Variants in GALNT2 observed in about 807,000 individuals in gnomAD.
GALNT2 encodes polypeptide N-acetylgalactosaminyltransferase 2, also known as UDP-GalNAc:polypeptide N-acetylgalactosaminyltransferase 2.
A neutral mutation model predicts 81.4 loss-of-function variants in GALNT2; 31 were observed. The ratio of observed to expected loss-of-function variants is 0.38; its 90% CI spans 0.29 to 0.51. The LOEUF (loss-of-function observed/expected upper bound fraction) is 0.51. GALNT2 is among the 20% of genes least tolerant of loss of function. The pLI, the probability that GALNT2 is intolerant of heterozygous loss-of-function variation, is 0.87. For synonymous variants in GALNT2, 303 were observed against 287.4 expected (o/e 1.05, Z -0.55); for missense variants, 629 against 765.7 (o/e 0.82, Z 2.11).
At chr1:230,277,773 C>G (rs911207215) in intron 15 of GALNT2, among the ~76,000 whole-genome samples, 1 of 152,190 alleles carries the variant, frequency 6.6e-6, no homozygotes, top group Non-Finnish European at 1.5e-5. Context: ...ACTGGCCCCT[C>G]AAGAGGAAGC....
At chr1:230,085,150 T>G (rs1208283075) in intron 1 of GALNT2, among the ~76,000 whole-genome samples, 1 of 152,158 alleles carries the variant, frequency 6.6e-6, no homozygotes, top group Non-Finnish European at 1.5e-5. Context: ...AAGTTTTTAT[T>G]ATTAACTCTC....
At chr1:230,198,034 CAT>C (rs1188252653) in intron 2 of GALNT2, among the ~76,000 whole-genome samples, 2 of 152,250 alleles carry the variant, frequency 1.3e-5, no homozygotes, top group Non-Finnish European at 2.9e-5. Context: ...CAGCACGTCT[CAT>C]ATGCGGCTGT....
chr1:230,264,780 TC>T (rs1665982354), intron 13 of GALNT2: 1 of 153,340 alleles, frequency 6.5e-6, no homozygotes, highest in African/African-American at 2.4e-5. Flanking sequence ...ACGTTGTTCT[TC>T]CCCGTGGCTG....
chr1:230,177,231 T>C (rs1250929195), intron 1 of GALNT2, among the ~76,000 whole-genome samples: 2 of 152,270 alleles, frequency 1.3e-5, no homozygotes, highest in Admixed American at 1.3e-4. Context: ...TCTCCAGTGG[T>C]GAACGTGCGT....
At chr1:230,063,580 A>C (rs1232599121), upstream of GALNT2, among the ~76,000 whole-genome samples, 2 of 152,168 alleles carry the variant, frequency 1.3e-5, no homozygotes, top group South Asian at 2.1e-4. Context: ...CCCCATGTAC[A>C]ATGGAAAGAC....
rs1663626679 is a variant in GALNT2, at chr1:230,194,517, A to T, written c.221-8620A>T. Among the ~76,000 whole-genome samples, 6 of 152,184 alleles carry T rather than the reference A, an allele frequency of 3.9e-5. No homozygotes were observed. The South Asian group carries it at 1.2e-3, about 31-fold the overall frequency. On this transcript the variant is annotated intron_variant, in intron 2 of 15. Coordinates refer to ENST00000366672, the MANE Select transcript of GALNT2 (RefSeq NM_004481.5). ...GCCCATCCCCTCTCTGACTGTACAC[A>T]TTGTTTTTCATGGCTACAGGGATAA...
At chr1:230,216,519 G>A (rs759607739) in intron 3 of GALNT2, among the ~76,000 whole-genome samples, 5 of 152,184 alleles carry the variant, frequency 3.3e-5, no homozygotes, top group African/African-American at 4.8e-5. Context: ...ATAGCTCACC[G>A]TAACAAACTC....
At chr1:230,228,835 G>A (rs557354928) in intron 3 of GALNT2, among the ~76,000 whole-genome samples, 51 of 152,188 alleles carry the variant, frequency 3.4e-4, no homozygotes, top group African/African-American at 1.2e-3. Flanking sequence ...AAAACCCTGC[G>A]TGACACTTCA....
chr1:230,079,448 G>A (rs1659662610), intron 1 of GALNT2, among the ~76,000 whole-genome samples: 1 of 152,234 alleles, frequency 6.6e-6, no homozygotes, highest in Admixed American at 6.5e-5. Flanking sequence ...CTGCCCCACG[G>A]GTCATGCAGT....
At chr1:230,267,642 G>A (rs751151894) in intron 14 of GALNT2, among the ~76,000 whole-genome samples, 29 of 152,208 alleles carry the variant, frequency 1.9e-4, no homozygotes, top group East Asian at 1.9e-4. Context: ...CTGGGTACTC[G>A]TCACAGGCCC....
chr1:230,265,163 C>G, intron 13 of GALNT2, 78 bp from the exon 14 acceptor site: 1 of 1,592,854 alleles, frequency 6.3e-7, no homozygotes, highest in Non-Finnish European at 8.6e-7. Context: ...TGTCATGAGG[C>G]CACTGAGCAA....
At chr1:230,132,743 A>G (rs1488106685) in intron 1 of GALNT2, among the ~76,000 whole-genome samples, 1 of 152,252 alleles carries the variant, frequency 6.6e-6, no homozygotes, top group Non-Finnish European at 1.5e-5. Context: ...TTGTTGCAAA[A>G]TAAAGGACTG....
intron 1 of GALNT2, among the ~76,000 whole-genome samples, chr1:230,062,214 T>A (rs1659066188): frequency 6.6e-6 from 1 of 152,164 alleles, no homozygotes; most frequent in African/African-American, 2.4e-5. Flanking sequence ...TTACTATGAA[T>A]TGTCTGTTTA....
intron 10 of GALNT2, 25 bp from the exon 11 acceptor site, chr1:230,255,193 A>G (rs1665669662): frequency 1.2e-6 from 2 of 1,613,850 alleles, no homozygotes; most frequent in Non-Finnish European, 8.5e-7. Context: ...TCTGTCAGTC[A>G]CCTGTGTCTT....
intron 1 of GALNT2, among the ~76,000 whole-genome samples, chr1:230,093,522 C>T (rs1490150052): frequency 2.0e-5 from 3 of 152,206 alleles, no homozygotes; most frequent in Non-Finnish European, 4.4e-5. Flanking sequence ...CCTGGGCTTC[C>T]TGCTGCTTCA....
chr1:230,057,817 A>T (rs931179020), upstream of GALNT2, among the ~76,000 whole-genome samples: 1 of 152,144 alleles, frequency 6.6e-6, no homozygotes, highest in Non-Finnish European at 1.5e-5. Context: ...CTACCGGAGG[A>T]GCTGCGGGGC....
At chr1:230,265,767 AGATTCTTAACTGTGGGCACTAAGGC>A (rs1666018986) in intron 14 of GALNT2, among the ~76,000 whole-genome samples, 1 of 152,238 alleles carries the variant, frequency 6.6e-6, no homozygotes, top group Non-Finnish European at 1.5e-5. Flanking sequence ...CCTATACAAC[AGATTCTTAACTGTGGGCACTAAGGC>A]GGCTGCTAGT....
chr1:230,185,781 G>A (rs1663314510), intron 2 of GALNT2, among the ~76,000 whole-genome samples: 1 of 152,196 alleles, frequency 6.6e-6, no homozygotes, highest in South Asian at 2.1e-4. Context: ...GCTCCAGGAG[G>A]TAAAACTCAC....
At chr1:230,212,934 T>C (rs1186290792) in intron 3 of GALNT2, among the ~76,000 whole-genome samples, 1 of 152,180 alleles carries the variant, frequency 6.6e-6, no homozygotes, top group Non-Finnish European at 1.5e-5. Flanking sequence ...TTGATTTGAC[T>C]GTAGAGATTT....
Sources: allele counts gnomAD v4.1 joint callset (sites outside exome capture counted in the v4.1 genomes callset), GRCh38; gene constraint gnomAD v4.1.1; transcripts MANE v1.5; gene names NCBI Gene and HGNC (gene_info 2026-07-23, HGNC 2026-07-21).